HACL2: variants seen among roughly 807,000 people sequenced by gnomAD.
HACL2 encodes the protein 2-hydroxyacyl-CoA lyase 2, also known as 2-hydroxyacyl-CoA lyase 1 like.
At chr19:15,124,997 G>T in the HACL2 span, 8 of 1,598,142 alleles carry the variant, frequency 5.0e-6, no homozygotes, top group Non-Finnish European at 6.8e-6. Flanking sequence ...GCGTCCCGCA[G>T]GCCAGGAGCA....
the HACL2 span, chr19:15,119,141 G>C: frequency 2.0e-6 from 3 of 1,523,698 alleles, no homozygotes; most frequent in Non-Finnish European, 2.6e-6. Context: ...GGGGGAAGGA[G>C]GGAAAGGAAG....
chr19:15,116,709 C>A, the HACL2 span: 1 of 588,454 alleles, frequency 1.7e-6, no homozygotes. Flanking sequence ...GGGAGGGCAG[C>A]CCAGGTGAAA....
At chr19:15,123,274 C>T in the HACL2 span, 1 of 1,611,056 alleles carries the variant, frequency 6.2e-7, no homozygotes, top group Non-Finnish European at 8.5e-7. This position sits in a 1 kb window ranked among gnomAD's most constrained non-coding sequence, Gnocchi z 5.1. Flanking sequence ...CAGCCATGCC[C>T]ACTCTCTTGG....
the HACL2 span, chr19:15,124,922 C>G: frequency 6.2e-7 from 1 of 1,603,182 alleles, no homozygotes. Context: ...CTGTGCCCCG[C>G]ACCTTGTGCA....
chr19:15,116,126 T>C, the HACL2 span: 2 of 1,613,258 alleles, frequency 1.2e-6, no homozygotes, highest in Non-Finnish European at 1.7e-6. Context: ...TGGTGCCCAC[T>C]GCCCCAGGCG....
chr19:15,117,611 T>G, the HACL2 span: 1 of 306,000 alleles, frequency 3.3e-6, no homozygotes, highest in East Asian at 6.1e-5. Flanking sequence ...CCTGGGAGTT[T>G]GAGGGTGCAG....
the HACL2 span, among the ~76,000 whole-genome samples, chr19:15,120,926 TG>T: frequency 7.7e-3 from 1,171 of 152,142 alleles, 22 homozygotes; most frequent in African/African-American, 0.027. Flanking sequence ...AGTGAGGCCC[TG>T]TCTCAAAACA....
chr19:15,125,076 G>C, the HACL2 span: 33 of 1,525,184 alleles, frequency 2.2e-5, no homozygotes, highest in Non-Finnish European at 2.8e-5. Context: ...GTACCTAAGA[G>C]AGAAAGGGCA....
chr19:15,119,308 A>T, the HACL2 span: 1 of 1,603,014 alleles, frequency 6.2e-7, no homozygotes, highest in South Asian at 1.1e-5. Flanking sequence ...CAGCCCTGGG[A>T]GTCCAGGCAG....
the HACL2 span, among the ~76,000 whole-genome samples, chr19:15,118,739 G>A: frequency 1.8e-4 from 28 of 152,144 alleles, no homozygotes; most frequent in Admixed American, 1.8e-3. Flanking sequence ...AAACAAGGGG[G>A]CCATGGAGAC....
At chr19:15,122,619 G>T in the HACL2 span, 1 of 1,241,286 alleles carries the variant, frequency 8.1e-7, no homozygotes, top group Non-Finnish European at 1.2e-6. The surrounding 1 kb of genome is among the most constrained non-coding windows in gnomAD (Gnocchi z 4.0). Flanking sequence ...AATCAAAGGA[G>T]GATGGGTGTG....
chr19:15,119,339 G>A, the HACL2 span: 1 of 1,604,962 alleles, frequency 6.2e-7, no homozygotes, highest in South Asian at 1.1e-5. Flanking sequence ...AGTGTGGCCG[G>A]GGCCTCCCGC....
At chr19:15,120,535 C>T in the HACL2 span, among the ~76,000 whole-genome samples, 1 of 152,234 alleles carries the variant, frequency 6.6e-6, no homozygotes, top group Non-Finnish European at 1.5e-5. Flanking sequence ...TGAACACTGT[C>T]CTCTCCTGCT....
At chr19:15,119,375 G>A in the HACL2 span, 5 of 1,612,704 alleles carry the variant, frequency 3.1e-6, no homozygotes, top group Non-Finnish European at 1.7e-6. Flanking sequence ...CGAGGACTGG[G>A]GACTGGGAAC....
chr19:15,124,878 T>G, the HACL2 span: 2 of 1,563,218 alleles, frequency 1.3e-6, no homozygotes, highest in Admixed American at 1.9e-5. Flanking sequence ...ACGAGGCCCC[T>G]CCCTCTTTGA....
chr19:15,117,641 T>C, the HACL2 span: 3 of 419,450 alleles, frequency 7.2e-6, no homozygotes, highest in South Asian at 3.1e-5. Context: ...ATTGCACTAC[T>C]GCATTCCAGC....
At chr19:15,124,934 C>A in the HACL2 span, 1 of 1,606,966 alleles carries the variant, frequency 6.2e-7, no homozygotes, top group South Asian at 1.1e-5. Flanking sequence ...CCTTGTGCAG[C>A]AGCTGATAGA....
At chr19:15,115,229 C>A in the HACL2 span, 1 of 1,613,870 alleles carries the variant, frequency 6.2e-7, no homozygotes, top group Non-Finnish European at 8.5e-7. Flanking sequence ...GGAAGGCAGC[C>A]AAGCGTCCTG....
At chr19:15,115,136 T>C in the HACL2 span, 107 of 1,185,406 alleles carry the variant, frequency 9.0e-5, no homozygotes, top group African/African-American at 2.6e-4. Flanking sequence ...CTCAGGGAGG[T>C]TGTGGAGTCA....
Sources: gnomAD v4.1 joint callset for allele counts (sites outside exome capture counted in the v4.1 genomes callset) on GRCh38, gnomAD v4.1.1 for gene constraint, Gnocchi (gnomAD v3.1) non-coding constraint, MANE v1.5 for transcripts, NCBI Gene and HGNC (gene_info 2026-07-23, HGNC 2026-07-21) for gene names.